Variants in ROBO2 observed in about 807,000 individuals in gnomAD.
ROBO2 encodes roundabout homolog 2.
A neutral mutation model predicts 160.8 loss-of-function variants in ROBO2; 53 were observed. That is an observed-to-expected ratio of 0.33 (90% confidence interval 0.26 to 0.41). The LOEUF (loss-of-function observed/expected upper bound fraction) is 0.41, where lower values mean the gene tolerates loss of function less well. ROBO2 is among the 10% of genes least tolerant of loss of function. The pLI, the probability that ROBO2 is intolerant of heterozygous loss-of-function variation, is 1.00. For synonymous variants in ROBO2, 664 were observed against 611.7 expected (o/e 1.09, Z -1.26); for missense variants, 1,577 against 1,722.4 (o/e 0.92, Z 1.49).
At chr3:76,403,173 A>C (rs919850128) in intron 2 of ROBO2, among the ~76,000 whole-genome samples, 6 of 151,584 alleles carry the variant, frequency 4.0e-5, no homozygotes, top group Non-Finnish European at 7.4e-5. Context: ...ACAGGCAATG[A>C]GATTTTGTTT....
chr3:76,758,168 G>T (rs1166577272), intron 2 of ROBO2, among the ~76,000 whole-genome samples: 2 of 151,688 alleles, frequency 1.3e-5, no homozygotes, highest in Non-Finnish European at 2.9e-5. Context: ...TCTAAAACAT[G>T]CATTGACAAG....
intron 2 of ROBO2, among the ~76,000 whole-genome samples, chr3:76,173,012 C>T (rs977662956): frequency 2.0e-5 from 3 of 151,926 alleles, no homozygotes; most frequent in Non-Finnish European, 2.9e-5. Flanking sequence ...TTAGAGCATG[C>T]TGTCTCTGAC....
chr3:75,991,864 G>C lies in ROBO2; in HGVS notation c.109+54262G>C, dbSNP rs58426516. Among the ~76,000 whole-genome samples, 1,068 of 152,206 alleles carry C rather than the reference G, an allele frequency of 7.0e-3. 13 individuals are homozygous for C. Among genetic ancestry groups the C allele is most frequent in the African/African-American group, 0.024 (1,008 of 41,542 alleles). The stretch of plus-strand genomic sequence containing the variant: ...CAGATGGAGATGAGGAACTAGACTC[G>C]TTCAGAAAAGGGTTACTCTTGTTAT... On this transcript the variant is annotated intron_variant, in intron 2 of 26. Transcript: ENST00000487694.
At position 77,490,553 on chromosome 3, in the gene ROBO2, A is replaced by G. The variant is rs140082957; in HGVS notation, c.668-2691A>G. Among the ~76,000 whole-genome samples the G allele has an allele frequency of 2.5e-3, 380 of 152,302 alleles. 2 individuals carry two copies. Among genetic ancestry groups the G allele is most frequent in the African/African-American group, 8.8e-3 (365 of 41,562 alleles). On this transcript the variant is annotated intron_variant, in intron 4 of 25. Coordinates refer to ENST00000461745, the Ensembl canonical transcript of ROBO2. The stretch of plus-strand genomic sequence containing the variant: ...ATCTTCATTTCTCTTCCTATTATAT[A>G]AGTAACCTCCTTTATCTCATTGAAA...
intron 2 of ROBO2, among the ~76,000 whole-genome samples, chr3:76,527,598 C>A (rs1280117968): frequency 1.3e-5 from 2 of 151,898 alleles, no homozygotes; most frequent in East Asian, 1.9e-4. Context: ...CTACTATATG[C>A]CAGATACTAC....
intron 2 of ROBO2, among the ~76,000 whole-genome samples, chr3:76,574,810 T>G (rs1333405027): frequency 6.6e-6 from 1 of 152,086 alleles, no homozygotes; most frequent in Non-Finnish European, 1.5e-5. Flanking sequence ...AGACTGAGCC[T>G]AAGATGCTGT....
intron 2 of ROBO2, among the ~76,000 whole-genome samples, chr3:76,085,951 A>G (rs958549087): frequency 3.3e-5 from 5 of 152,144 alleles, no homozygotes; most frequent in African/African-American, 7.2e-5. Flanking sequence ...TTTGAAATAC[A>G]AAAGTGCATC....
At chr3:76,810,727 C>A (rs1335355309) in intron 2 of ROBO2, among the ~76,000 whole-genome samples, 2 of 151,986 alleles carry the variant, frequency 1.3e-5, no homozygotes, top group East Asian at 1.9e-4. Flanking sequence ...TGTAACATTA[C>A]CCAAGAAATG....
intron 2 of ROBO2, among the ~76,000 whole-genome samples, chr3:76,948,906 ATATTTTTTTTTTT>A (rs1439651325): frequency 9.6e-5 from 2 of 20,850 alleles, no homozygotes; most frequent in African/African-American, 4.1e-4. Context: ...ATATATATAT[ATATTTTTTTTTTT>A]TTTTTTTTTT....
chr3:76,224,133 G>T (rs1691410490), intron 2 of ROBO2, among the ~76,000 whole-genome samples: 1 of 152,090 alleles, frequency 6.6e-6, no homozygotes. Context: ...TATTGGTACT[G>T]TTTATTTGGG....
chr3:76,101,219 G>T (rs181607651), intron 2 of ROBO2, among the ~76,000 whole-genome samples: 9 of 152,206 alleles, frequency 5.9e-5, no homozygotes, highest in Non-Finnish European at 1.0e-4. Flanking sequence ...TATTGTTTTA[G>T]TATTACATTG....
rs149350635 is a variant in ROBO2, at chr3:75,977,869, A to G, written c.109+40267A>G. ...GACATTCTTGTATAACGCATGAACA[A>G]TTTTGAAAACAATGAGTAAATTATT... On this transcript the variant is annotated intron_variant, in intron 2 of 26. Coordinates refer to the ROBO2 transcript ENST00000487694. Among the ~76,000 whole-genome samples, 319 of 151,680 alleles carry G rather than the reference A, an allele frequency of 2.1e-3. 2 individuals are homozygous for G. The highest frequency in any genetic ancestry group is 7.2e-3 in the African/African-American group (299 of 41,484).
At chr3:76,040,968 G>T (rs2067254891) in intron 2 of ROBO2, among the ~76,000 whole-genome samples, 1 of 152,130 alleles carries the variant, frequency 6.6e-6, no homozygotes, top group South Asian at 2.1e-4. Flanking sequence ...CAGCCTGGGT[G>T]ACAGAGTGAG....
At position 77,088,527 on chromosome 3, in the gene ROBO2, A is replaced by G. The variant is rs183554172; in HGVS notation, c.62-9487A>G. On this transcript the variant is annotated intron_variant, in intron 1 of 25. Transcript: ENST00000461745. ...GGTATTAACCCCGTAAGCATTAGCT[A>G]TTTATTCTGATGCTATCACTCCCCA... Among the ~76,000 whole-genome samples, 323 of 152,168 alleles carry G rather than the reference A, an allele frequency of 2.1e-3. 2 individuals are homozygous for G. Among genetic ancestry groups the G allele is most frequent in the African/African-American group, 7.3e-3 (301 of 41,516 alleles).
chr3:76,752,185 A>T (rs924594602), intron 2 of ROBO2, among the ~76,000 whole-genome samples: 8 of 151,800 alleles, frequency 5.3e-5, no homozygotes, highest in African/African-American at 1.9e-4. Context: ...AACTATCGCA[A>T]GGACAGAAAA....
At position 76,386,349 on chromosome 3, in the gene ROBO2, C is replaced by A. The variant is rs1483327856; in HGVS notation, c.109+448747C>A. On this transcript the variant is annotated intron_variant, in intron 2 of 26. Coordinates refer to the ROBO2 transcript ENST00000487694. ...TCCTTCCCTCCCTCCCTCCCTCCCT[C>A]CCTCCCTCCCTTCCTTCCTCCCCTC... Among the ~76,000 whole-genome samples, 7 of 125,712 alleles carry A rather than the reference C, an allele frequency of 5.6e-5. No homozygotes were observed. In the East Asian group the frequency reaches 8.8e-4, roughly 16 times the overall value. 82.5% of individuals were successfully genotyped at this position (125,712 alleles called of 152,430 possible). A position where few individuals can be genotyped will look rare whatever the true frequency, so the allele number is the denominator to read the frequency against.
intron 2 of ROBO2, among the ~76,000 whole-genome samples, chr3:77,410,378 G>C (rs915978433): frequency 2.6e-5 from 4 of 151,254 alleles, no homozygotes; most frequent in African/African-American, 9.7e-5. Flanking sequence ...AATTTTCTTC[G>C]CCTGTATTGC....
intron 2 of ROBO2, among the ~76,000 whole-genome samples, chr3:76,381,985 T>G (rs2076650463): frequency 1.3e-5 from 2 of 152,086 alleles, no homozygotes; most frequent in South Asian, 4.1e-4. Flanking sequence ...TATTGTTTTG[T>G]TTTGTTTTGT....
At position 75,994,848 on chromosome 3, in the gene ROBO2, T is replaced by C. The variant is rs112159409; in HGVS notation, c.109+57246T>C. Among the ~76,000 whole-genome samples, 401 of 152,270 alleles carry C rather than the reference T, an allele frequency of 2.6e-3. 1 individual carries two copies. The highest frequency in any genetic ancestry group is 9.3e-3 in the African/African-American group (388 of 41,566). The stretch of plus-strand genomic sequence containing the variant: ...ACTTGTTGAATGGCTTTGTCCAAAA[T>C]GTTGATAGCAATATGGACAATGAAG... On this transcript the variant is annotated intron_variant, in intron 2 of 26. Transcript: ENST00000487694.
Sources: allele counts gnomAD v4.1 joint callset (sites outside exome capture counted in the v4.1 genomes callset), GRCh38; gene constraint gnomAD v4.1.1; transcripts MANE v1.5; gene names NCBI Gene and HGNC (gene_info 2026-07-23, HGNC 2026-07-21).